Variants in FBN3 observed in about 807,000 individuals in gnomAD.
The protein encoded by FBN3 is fibrillin 3, also known as fibrillin-3.
Under a neutral mutation model 330.1 loss-of-function variants are expected in FBN3, and 234 were observed. That is an observed-to-expected ratio of 0.71 (90% confidence interval 0.64 to 0.79). The LOEUF (loss-of-function observed/expected upper bound fraction) is 0.79. Among genes scored for constraint, FBN3 ranks in the 30% least tolerant of loss-of-function variants. The pLI is 0.00. For synonymous variants in FBN3, 1,458 were observed against 1,517.3 expected (o/e 0.96, Z 0.91); for missense variants, 3,606 against 3,886.9 (o/e 0.93, Z 1.92).
intron 38 of FBN3, among the ~76,000 whole-genome samples, chr19:8,104,714 C>T (rs1008936004): frequency 6.6e-6 from 1 of 152,008 alleles, no homozygotes; most frequent in Non-Finnish European, 1.5e-5. Context: ...TGTAAAGGGC[C>T]AGAACATTTT....
Position 8,136,019 on chromosome 19 carries a change from G to A in FBN3, c.1533C>T (p.Ser511=). 1 of 1,505,980 alleles carries A rather than the reference G, an allele frequency of 6.6e-7. No homozygotes were observed. 93.3% of individuals were successfully genotyped at this position (1,505,980 alleles called of 1,614,324 possible). ...AGCCTGCATTGCAGACACACTGGAAGCTGCCCTCTGTGTTGACACAGCGGC... is the reference window on the plus strand; with the variant it reads ...AGCCTGCATTGCAGACACACTGGAAACTGCCCTCTGTGTTGACACAGCGGC... The part of the protein sequence containing the change: ...HLGRCVNTEG[S]FQCVCNAGFE... The change falls in exon 13 of 64, where the codon AGC becomes AGT. Residue 511 remains serine, a synonymous_variant. Transcript: ENST00000600128.
At chr19:8,135,936 G>GGGGGGGCCCCCCCCCCCCC in intron 13 of FBN3, 25 bp downstream of exon 13, 1 of 668,778 alleles carries the variant, frequency 1.5e-6, no homozygotes, top group Non-Finnish European at 2.4e-6. Context: ...GGAAGCCCCT[G>GGGGGGGCCCCCCCCCCCCC]CCCACCCGCC....
In FBN3 at chr19:8,131,738, CA is replaced by C. The variant is rs748171023; in HGVS notation, c.1805del (p.Leu602ArgfsTer3). ...GSFRCQCLGG[L>X]AVGTDGRVCV... ...ACACGCGGCCATCCGTGCCTACCGC[CA>C]GCCCCCCCAGGCACTGGCAGCGGAA... On this transcript the variant is annotated frameshift_variant, in exon 15 of 64. Coordinates refer to ENST00000600128, the MANE Select transcript of FBN3 (RefSeq NM_032447.5). LOFTEE classifies it high-confidence loss of function. This position sits in a 1 kb window ranked among gnomAD's most constrained non-coding sequence, Gnocchi z 4.5. 1 of 1,613,700 alleles carries C rather than the reference CA, an allele frequency of 6.2e-7. No individual in the cohort carries two copies. Among genetic ancestry groups the C allele is most frequent in the South Asian group, 1.1e-5 (1 of 91,030 alleles).
chr19:8,126,156 T>A, intron 21 of FBN3, 139 bp from the exon 22 acceptor site: 1 of 1,439,476 alleles, frequency 6.9e-7, no homozygotes, highest in Non-Finnish European at 9.6e-7. Context: ...CAAGAAGGCC[T>A]GGGGACCAGG....
At chr19:8,082,366 TTTTC>T (rs150250049) in intron 57 of FBN3, among the ~76,000 whole-genome samples, 47,043 of 146,744 alleles carry the variant, frequency 0.32, 7,583 homozygotes, top group Admixed American at 0.4. Context: ...TCTCTTTCTT[TTTTC>T]TTTCTTTCTC....
intron 5 of FBN3, among the ~76,000 whole-genome samples, chr19:8,145,451 C>T (rs150913958): frequency 0.08 from 11,865 of 149,042 alleles, 789 homozygotes; most frequent in African/African-American, 0.18. Flanking sequence ...GAGGCTGAGG[C>T]GGGCGGATCA....
At position 8,141,748 on chromosome 19, in the gene FBN3, G is replaced by C. The variant is rs1256642894; in HGVS notation, c.834C>G (p.His278Gln). The change falls in exon 8 of 64, where the codon CAC (histidine) becomes CAG (glutamine). Residue 278 changes from histidine to glutamine, a missense_variant. Transcript: ENST00000600128. ...GSFHCRCPVGHRLSDSSAACE... is the reference protein window; with the variant it reads ...GSFHCRCPVGQRLSDSSAACE... Reference sequence around the variant, plus strand: ...ATGCGGCGCTGCTGTCACTGAGCCGGTGTCCAACTGGACAGCGGCAATGGA... The same window carrying C: ...ATGCGGCGCTGCTGTCACTGAGCCGCTGTCCAACTGGACAGCGGCAATGGA... 1 of 1,613,986 alleles carries C rather than the reference G, an allele frequency of 6.2e-7. No homozygotes were observed. The highest frequency in any genetic ancestry group is 1.7e-5 in the Admixed American group (1 of 59,988).
At position 8,138,554 on chromosome 19, in the gene FBN3, G is replaced by C; in HGVS notation, c.876C>G (p.Ala292=). The change falls in exon 9 of 64, where the codon GCC becomes GCG. Residue 292 remains alanine (A), a synonymous_variant. Transcript: ENST00000600128. The stretch of plus-strand genomic sequence containing the variant: ...CGAAAAGCACTGAGAAGCAGGCGCC[G>C]GCCCGGTAGTCTGCAAAAGATCAGA... The part of the protein sequence containing the change: ...DSSAACEDYR[A]GACFSVLFGG... 6.2e-7 allele frequency: 1 copy of C among 1,607,910 alleles called. No homozygotes were observed. Among genetic ancestry groups the C allele is most frequent in the Non-Finnish European group, 8.5e-7 (1 of 1,178,452 alleles).
In FBN3 at chr19:8,135,959, A is replaced by ACC; in HGVS notation, c.1591_1591+1dup. 2 of 157,440 alleles carry ACC rather than the reference A, an allele frequency of 1.3e-5. No individual in the cohort carries two copies. The highest frequency in any genetic ancestry group is 5.8e-5 in the South Asian group (1 of 17,172). 9.8% of individuals were successfully genotyped at this position (157,440 alleles called of 1,614,324 possible). A position where few individuals can be genotyped will look rare whatever the true frequency, so the allele number is the denominator to read the frequency against. On this transcript the variant is annotated splice_donor_variant, in intron 13 of 63. Coordinates refer to ENST00000600128, the MANE Select transcript of FBN3 (RefSeq NM_032447.5). LOFTEE classifies it high-confidence loss of function. Reference sequence around the variant, plus strand: ...CTGCCCACCCGCCCACCCCCAACTCACCCACACAGTTCTTGCCGTCAGGGC... The same window carrying ACC: ...CTGCCCACCCGCCCACCCCCAACTCACCCCCACACAGTTCTTGCCGTCAGGGC...
chr19:8,121,760 C>CTTT lies in FBN3; in HGVS notation c.3083-377_3083-375dup, dbSNP rs1599391694. Among the ~76,000 whole-genome samples, 10 of 151,564 alleles carry CTTT rather than the reference C, an allele frequency of 6.6e-5. No homozygotes were observed. The highest frequency in any genetic ancestry group is 1.5e-4 in the African/African-American group (6 of 41,350). ...TTTTTATTACTTATTTATTTATTTACTTTTTTAGAGACAGAGTCTTGCTCT... is the reference window on the plus strand; with the variant it reads ...TTTTTATTACTTATTTATTTATTTACTTTTTTTTTAGAGACAGAGTCTTGCTCT... On this transcript the variant is annotated intron_variant, in intron 24 of 63. Transcript: ENST00000600128. This position sits in a 1 kb window ranked among gnomAD's most constrained non-coding sequence, Gnocchi z 4.5.
chr19:8,073,472 C>G (rs2145367428), intron 61 of FBN3, among the ~76,000 whole-genome samples, 175 bp from the exon 62 acceptor site: 1 of 152,308 alleles, frequency 6.6e-6, no homozygotes, highest in African/African-American at 2.4e-5. Context: ...GCCCCGCTGC[C>G]CCAAACCCTG....
At chr19:8,087,303 C>T (rs2081986508) in intron 53 of FBN3, 92 bp from the exon 54 acceptor site, 17 of 1,384,366 alleles carry the variant, frequency 1.2e-5, no homozygotes, top group Non-Finnish European at 1.6e-5. Flanking sequence ...CCTGTGGGAC[C>T]TGAGTGAGTT....
intron 58 of FBN3, 31 bp from the exon 59 acceptor site, chr19:8,081,150 GC>G: frequency 6.3e-7 from 1 of 1,590,566 alleles, no homozygotes; most frequent in Non-Finnish European, 8.6e-7. Flanking sequence ...CAGGCTCAGG[GC>G]AGGGCCCAGT....
At chr19:8,082,803 T>TTC (rs1568365716) in intron 57 of FBN3, among the ~76,000 whole-genome samples, 33 of 149,894 alleles carry the variant, frequency 2.2e-4, no homozygotes, top group African/African-American at 8.1e-4. Context: ...CTGTTTTTTT[T>TTC]TTTCTTTCTT....
chr19:8,129,164 G>A lies in FBN3; in HGVS notation c.2171-11C>T. On this transcript the variant is annotated splice_polypyrimidine_tract_variant and intron_variant, in intron 17 of 63. Coordinates refer to ENST00000600128, the MANE Select transcript of FBN3 (RefSeq NM_032447.5). The surrounding 1 kb of genome is among the most constrained non-coding windows in gnomAD (Gnocchi z 4.5). ...CACACTCATCCACGTCTGTGGGGTG[G>A]GGGTGGGAGAGAGGGGTGAGGGGTC... The A allele has an allele frequency of 1.2e-6, 2 of 1,612,578 alleles. No homozygotes were observed. Among genetic ancestry groups the A allele is most frequent in the Non-Finnish European group, 1.7e-6 (2 of 1,179,520 alleles).
chr19:8,139,247 T>C (rs1348435515), intron 8 of FBN3, among the ~76,000 whole-genome samples: 1 of 151,872 alleles, frequency 6.6e-6, no homozygotes, highest in African/African-American at 2.4e-5. Flanking sequence ...CTTGGGAGGC[T>C]GAGGCAGGAG....
chr19:8,123,066 G>C (rs2082890876), intron 24 of FBN3, among the ~76,000 whole-genome samples: 1 of 151,898 alleles, frequency 6.6e-6, no homozygotes, highest in Non-Finnish European at 1.5e-5. Context: ...CCAAAGAACA[G>C]GTGTTCGCCA....
At position 8,096,620 on chromosome 19, in the gene FBN3, C is replaced by A. The variant is rs1280396428; in HGVS notation, c.5414-51G>T. 2.6e-6 allele frequency: 4 copies of A among 1,556,500 alleles called. No homozygotes were observed. The highest frequency in any genetic ancestry group is 3.5e-6 in the Non-Finnish European group (4 of 1,152,936). On this transcript the variant is annotated intron_variant, in intron 43 of 63. Transcript: ENST00000600128. This position sits in a 1 kb window ranked among gnomAD's most constrained non-coding sequence, Gnocchi z 4.6. ...CCCAGGGCTCCTACCACAGTGTTTG[C>A]CTGAGCTCTCCCTACTGCAATGGGG...
In FBN3 at chr19:8,081,086, C is replaced by T. The variant is rs750490410; in HGVS notation, c.7370G>A (p.Cys2457Tyr). The T allele has an allele frequency of 3.7e-6, 6 of 1,613,826 alleles. No homozygotes were observed. The highest frequency in any genetic ancestry group is 1.7e-4 in the Middle Eastern group (1 of 6,054). ...LDECTSRQHN[C>Y]QFLCVNTVGA... ...CACAGTGTTGACACAGAGGAACTGA[C>T]AGTTGTGCTGCCGGGAGGTGCATTC... is the stretch of plus-strand genomic sequence containing the variant. Residue 2457 changes from cysteine to tyrosine, a missense_variant, in exon 59 of 64, where the codon TGT (cysteine) becomes TAT (tyrosine). Cys to Tyr is a radical substitution (Grantham distance 194, BLOSUM62 -2). Coordinates refer to ENST00000600128, the MANE Select transcript of FBN3 (RefSeq NM_032447.5).
Sources: allele counts gnomAD v4.1 joint callset (sites outside exome capture counted in the v4.1 genomes callset), GRCh38; gene constraint gnomAD v4.1.1; non-coding constraint Gnocchi (gnomAD v3.1); transcripts MANE v1.5; gene names NCBI Gene and HGNC (gene_info 2026-07-23, HGNC 2026-07-21).